CFAP44: variants seen among roughly 807,000 people sequenced by gnomAD.
CFAP44 encodes cilia- and flagella-associated protein 44.
Under a neutral mutation model 216.2 loss-of-function variants are expected in CFAP44, and 134 were observed. The ratio of observed to expected loss-of-function variants is 0.62; its 90% CI spans 0.54 to 0.72. CFAP44 has a LOEUF of 0.72. Ranked by LOEUF, CFAP44 falls within the 30% of genes least tolerant of loss-of-function variation. CFAP44 has a pLI of 0.00. For missense variants in CFAP44, 2,035 were observed against 2,182.1 expected (o/e 0.93, Z 1.34); for synonymous variants, 700 against 727.6 (o/e 0.96, Z 0.61).
chr3:113,361,498 G>GT (rs201963188), intron 21 of CFAP44, among the ~76,000 whole-genome samples: 1,605 of 137,804 alleles, frequency 0.012, 16 homozygotes, highest in African/African-American at 0.021. Flanking sequence ...GACCTGTTTT[G>GT]TTTTTTTTTT....
chr3:113,314,838 AT>A (rs1950072143), intron 28 of CFAP44, among the ~76,000 whole-genome samples: 3 of 152,150 alleles, frequency 2.0e-5, no homozygotes, highest in Non-Finnish European at 2.9e-5. Context: ...AAATGATGAC[AT>A]TGCTAGACTG....
intron 21 of CFAP44, among the ~76,000 whole-genome samples, chr3:113,361,472 C>A (rs1488177976): frequency 6.7e-6 from 1 of 150,118 alleles, no homozygotes; most frequent in East Asian, 1.9e-4. Context: ...TATAATTATA[C>A]ATATTGTAGA....
chr3:113,391,945 A>G (rs979048790), intron 15 of CFAP44, among the ~76,000 whole-genome samples: 3 of 152,170 alleles, frequency 2.0e-5, no homozygotes, highest in Non-Finnish European at 4.4e-5. Flanking sequence ...TGTTGGTAGG[A>G]ATGTAAATTA....
chr3:113,317,892 T>C (rs1212122569), intron 28 of CFAP44, among the ~76,000 whole-genome samples: 1 of 152,168 alleles, frequency 6.6e-6, no homozygotes, highest in East Asian at 1.9e-4. Context: ...ACAGTGCCAG[T>C]GATTGGAGGG....
intron 30 of CFAP44, 104 bp downstream of exon 30, chr3:113,306,097 T>G (rs1490546124): frequency 6.7e-6 from 9 of 1,342,908 alleles, no homozygotes; most frequent in Non-Finnish European, 8.8e-6. Context: ...AAATGTTTCT[T>G]TTCTGAGAAG....
chr3:113,433,500 A>G, intron 2 of CFAP44, 65 bp downstream of exon 2: 1 of 978,026 alleles, frequency 1.0e-6, no homozygotes, highest in Non-Finnish European at 1.5e-6. Flanking sequence ...TACTATAAAA[A>G]TTAATTATTT....
intron 28 of CFAP44, among the ~76,000 whole-genome samples, chr3:113,318,555 C>T (rs1381654229): frequency 6.6e-6 from 1 of 152,030 alleles, no homozygotes; most frequent in Non-Finnish European, 1.5e-5. Flanking sequence ...GTTTGAAATA[C>T]AAACTCAAGA....
At chr3:113,399,764 A>G (rs1443336749) in intron 13 of CFAP44, 142 bp downstream of exon 13, 2 of 566,806 alleles carry the variant, frequency 3.5e-6, no homozygotes, top group South Asian at 4.5e-5. Context: ...TTTCTATTAC[A>G]TTCTGACTAA....
In CFAP44 at chr3:113,326,489, T is replaced by C; in HGVS notation, c.4472A>G (p.Lys1491Arg). The change falls in exon 28 of 35, where the codon AAG becomes AGG. Residue 1491 changes from lysine (K) to arginine (R), a missense_variant. Coordinates refer to ENST00000393845, the MANE Select transcript of CFAP44 (RefSeq NM_001164496.2). ...FANFLMKVLK[K>R]KIKRVKKKEV... ...TTTTTTCTTTACCCGTTTAATCTTC[T>C]TCTTTAGGACCTTCATGAGGAAGTT... 6.6e-7 allele frequency: 1 copy of C among 1,523,746 alleles called. No homozygotes were observed. The highest frequency in any genetic ancestry group is 8.7e-7 in the Non-Finnish European group (1 of 1,142,886). 94.4% of individuals were successfully genotyped at this position (1,523,746 alleles called of 1,614,324 possible). A position where few individuals can be genotyped will look rare whatever the true frequency, so the allele number is the denominator to read the frequency against.
Position 113,363,410 on chromosome 3 carries a change from C to A in CFAP44, c.2771+67G>T. 1.2e-5 allele frequency: 19 copies of A among 1,583,178 alleles called. No individual in the cohort carries two copies. In the South Asian group the frequency reaches 2.2e-4, roughly 18 times the overall value. On this transcript the variant is annotated intron_variant, in intron 20 of 34. Transcript: ENST00000393845. ...TTGAAAATTCATTAAGCTTGGTCAACTTCTGCACTGTTGATTTGTTTTGCA... is the reference window on the plus strand; with the variant it reads ...TTGAAAATTCATTAAGCTTGGTCAAATTCTGCACTGTTGATTTGTTTTGCA...
At chr3:113,357,108 A>T (rs1302796687) in intron 22 of CFAP44, among the ~76,000 whole-genome samples, 1 of 152,188 alleles carries the variant, frequency 6.6e-6, no homozygotes, top group African/African-American at 2.4e-5. Flanking sequence ...TGATTGGTAC[A>T]TATATGAAAA....
chr3:113,346,263 A>G (rs1950380802), intron 22 of CFAP44, among the ~76,000 whole-genome samples: 1 of 152,036 alleles, frequency 6.6e-6, no homozygotes, highest in Non-Finnish European at 1.5e-5. Flanking sequence ...TAGCTAAAGG[A>G]TTGTAAATGC....
At chr3:113,395,045 C>G (rs1294440459) in intron 15 of CFAP44, among the ~76,000 whole-genome samples, 1 of 152,140 alleles carries the variant, frequency 6.6e-6, no homozygotes, top group African/African-American at 2.4e-5. Context: ...GTAGATAATA[C>G]TAATATATTT....
At chr3:113,422,261 C>G (rs1393446395) in intron 4 of CFAP44, among the ~76,000 whole-genome samples, 3 of 152,002 alleles carry the variant, frequency 2.0e-5, no homozygotes, top group Non-Finnish European at 4.4e-5. Flanking sequence ...TTCTTGAGCC[C>G]TTGTTTAAAA....
chr3:113,395,002 G>A (rs1466000404), intron 15 of CFAP44, among the ~76,000 whole-genome samples: 1 of 152,200 alleles, frequency 6.6e-6, no homozygotes, highest in East Asian at 1.9e-4. Context: ...TAGAAACAAT[G>A]AGTATTTGTT....
At chr3:113,396,877 C>T (rs1934007257) in intron 13 of CFAP44, 150 bp from the exon 14 acceptor site, 3 of 744,490 alleles carry the variant, frequency 4.0e-6, no homozygotes, top group Non-Finnish European at 6.5e-6. Context: ...TCTATCCATT[C>T]CAGCATAGTT....
chr3:113,325,408 G>A (rs1200256878), intron 28 of CFAP44, among the ~76,000 whole-genome samples: 3 of 151,612 alleles, frequency 2.0e-5, no homozygotes, highest in East Asian at 3.9e-4. Flanking sequence ...CAAAGAAACC[G>A]AGGTTCTAAA....
rs553060281 is a variant in CFAP44 at position 113,410,386 on chromosome 3, A to G, written c.674-1064T>C. Among the ~76,000 whole-genome samples, 6 of 152,252 alleles carry G rather than the reference A, an allele frequency of 3.9e-5. No homozygotes were observed. In the East Asian group the frequency reaches 1.2e-3, roughly 29 times the overall value. On this transcript the variant is annotated intron_variant, in intron 6 of 34. Coordinates refer to ENST00000393845, the MANE Select transcript of CFAP44 (RefSeq NM_001164496.2). Reference sequence around the variant, plus strand: ...ATTGGTCAATTCCCACCTATGAGTGAGAACATGCAGTGTTTGGTTTTTTGT... The same window carrying G: ...ATTGGTCAATTCCCACCTATGAGTGGGAACATGCAGTGTTTGGTTTTTTGT...
chr3:113,297,989 G>A (rs1016656846), intron 32 of CFAP44, among the ~76,000 whole-genome samples: 9 of 152,202 alleles, frequency 5.9e-5, no homozygotes, highest in African/African-American at 9.7e-5. Flanking sequence ...AATGCCCCAC[G>A]GACATGTATA....
Sources: gnomAD v4.1 joint callset for allele counts (sites outside exome capture counted in the v4.1 genomes callset) on GRCh38, gnomAD v4.1.1 for gene constraint, MANE v1.5 for transcripts, NCBI Gene and HGNC (gene_info 2026-07-23, HGNC 2026-07-21) for gene names.